The following GUCY1A2 variants were observed in gnomAD, a reference collection of about 807,000 sequenced individuals.
GUCY1A2 encodes the protein guanylate cyclase 1 soluble subunit alpha 2.
GUCY1A2 carries 27 observed loss-of-function variants against 63.5 expected under a neutral mutation model. That is an observed-to-expected ratio of 0.43 (90% CI 0.31 to 0.59). The LOEUF (loss-of-function observed/expected upper bound fraction) is 0.59, where lower values mean the gene tolerates loss of function less well. GUCY1A2 is among the 20% of genes least tolerant of loss of function. GUCY1A2 has a pLI of 0.11. For synonymous variants in GUCY1A2, 364 were observed against 343.5 expected, an observed-to-expected ratio of 1.06 and a Z score of -0.66; for missense variants, 768 against 913.3, an observed-to-expected ratio of 0.84 and a Z score of 2.05.
intron 4 of GUCY1A2, among the ~76,000 whole-genome samples, chr11:106,816,736 AC>A (rs1190233856): frequency 6.6e-6 from 1 of 151,990 alleles, no homozygotes; most frequent in African/African-American, 2.4e-5. Flanking sequence ...AGCTAAGTAA[AC>A]AAAAATCAAC....
intron 6 of GUCY1A2, among the ~76,000 whole-genome samples, chr11:106,710,422 A>G (rs940216694): frequency 2.1e-5 from 3 of 140,836 alleles, no homozygotes; most frequent in Non-Finnish European, 4.5e-5. Context: ...TATATAGTAT[A>G]TATATTTCTT....
At chr11:106,997,626 CCCCA>C (rs1213691427) in intron 1 of GUCY1A2, among the ~76,000 whole-genome samples, 2 of 142,602 alleles carry the variant, frequency 1.4e-5, no homozygotes, top group African/African-American at 5.2e-5. Context: ...AACCCCCCCC[CCCCA>C]CCCGAGCAAG....
At chr11:106,855,909 ATTTAT>A (rs879466543) in intron 4 of GUCY1A2, among the ~76,000 whole-genome samples, 13,990 of 100,308 alleles carry the variant, frequency 0.14, 773 homozygotes, top group Middle Eastern at 0.22. Context: ...TTATTTATTT[ATTTAT>A]TTATTTATTT....
At chr11:106,872,210 G>A (rs1253132870) in intron 4 of GUCY1A2, among the ~76,000 whole-genome samples, 6 of 152,066 alleles carry the variant, frequency 3.9e-5, no homozygotes, top group Non-Finnish European at 7.4e-5. Flanking sequence ...TCATCTGCAC[G>A]ATTACAGGAT....
rs953266376 is a variant in GUCY1A2, at chr11:106,674,182, C to T, written c.*13367G>A. The T allele has an allele frequency of 1.6e-5, 3 of 184,408 alleles. No individual in the cohort carries two copies. Among genetic ancestry groups the T allele is most frequent in the Non-Finnish European group, 1.2e-5 (1 of 86,870 alleles). 11.4% of individuals were successfully genotyped at this position (184,408 alleles called of 1,614,324 possible). A position where few individuals can be genotyped will look rare whatever the true frequency, so the allele number is the denominator to read the frequency against. On this transcript the variant is annotated 3_prime_UTR_variant, in exon 8 of 8. Coordinates refer to ENST00000526355, the MANE Select transcript of GUCY1A2 (RefSeq NM_000855.3). ...TTGTTTTATAAGAATCCCACGTTTC[C>T]ATCACTTATTTTTCATATACAAATT...
chr11:106,978,055 AC>A (rs1434996926), intron 3 of GUCY1A2, among the ~76,000 whole-genome samples: 1 of 152,150 alleles, frequency 6.6e-6, no homozygotes, highest in African/African-American at 2.4e-5. Context: ...TTACAACAGT[AC>A]CTTTTAGCCA....
chr11:106,675,902 A>G lies in GUCY1A2; in HGVS notation c.*11647T>C, dbSNP rs780594045. 77 of 189,902 alleles carry G rather than the reference A, an allele frequency of 4.1e-4. No individual in the cohort carries two copies. The highest frequency in any genetic ancestry group is 2.2e-4 in the Non-Finnish European group (20 of 90,436). The allele number at this position is 189,902 out of a possible 1,614,324, so 11.8% of individuals were successfully genotyped here. ...TTTTAATTTTTTTCAAGTATTTTAT[A>G]CCCCTTTGACTACTTCATCTGTTAG... On this transcript the variant is annotated 3_prime_UTR_variant, in exon 8 of 8. Transcript: ENST00000526355.
chr11:106,740,693 G>C (rs1012772343), intron 6 of GUCY1A2, among the ~76,000 whole-genome samples: 5 of 91,548 alleles, frequency 5.5e-5, no homozygotes, highest in African/African-American at 2.2e-4. Flanking sequence ...TATGTATTTA[G>C]AGACAGAGTT....
chr11:106,721,904 T>TATCA (rs1351027565), intron 6 of GUCY1A2, among the ~76,000 whole-genome samples: 2 of 152,328 alleles, frequency 1.3e-5, no homozygotes, highest in South Asian at 2.1e-4. Flanking sequence ...CCATAGTACC[T>TATCA]ATCACCTTTT....
rs1392046807 is a variant in GUCY1A2, at chr11:107,018,207, G to A, written c.-152C>T. 8.5e-6 allele frequency: 2 copies of A among 236,058 alleles called. No homozygotes were observed. The highest frequency in any genetic ancestry group is 1.5e-5 in the Non-Finnish European group (2 of 129,210). The allele number at this position is 236,058 out of a possible 1,614,324, so 14.6% of individuals were successfully genotyped here. A position where few individuals can be genotyped will look rare whatever the true frequency, so the allele number is the denominator to read the frequency against. Reference sequence around the variant, plus strand: ...GCCCGGCGGGGCGGGAGTCCCCGGGGCCGCGGAGCCCCCCGAGCCGGCTGC... The same window carrying A: ...GCCCGGCGGGGCGGGAGTCCCCGGGACCGCGGAGCCCCCCGAGCCGGCTGC... On this transcript the variant is annotated 5_prime_UTR_variant, in exon 1 of 8. Coordinates refer to ENST00000526355, the MANE Select transcript of GUCY1A2 (RefSeq NM_000855.3).
At chr11:106,944,177 T>G (rs1860790284) in intron 3 of GUCY1A2, among the ~76,000 whole-genome samples, 1 of 100,940 alleles carries the variant, frequency 9.9e-6, no homozygotes, top group Non-Finnish European at 1.9e-5. Context: ...ATCATACCAC[T>G]GCACTCCAGC....
At chr11:106,833,829 A>G (rs991242644) in intron 4 of GUCY1A2, among the ~76,000 whole-genome samples, 2 of 152,076 alleles carry the variant, frequency 1.3e-5, no homozygotes, top group Non-Finnish European at 2.9e-5. Context: ...ATTACAAAGC[A>G]TATTAGAATA....
In GUCY1A2 at chr11:106,741,924, C is replaced by T. The variant is rs563446819; in HGVS notation, c.1837-33258G>A. On this transcript the variant is annotated intron_variant, in intron 6 of 7. Transcript: ENST00000526355. ...TGCATTCACTTCCACATAGTGCATA[C>T]AGCTAGACAGATAAAACTGAATGAA... Among the ~76,000 whole-genome samples, 20 of 152,314 alleles carry T rather than the reference C, an allele frequency of 1.3e-4. No individual in the cohort carries two copies. In the South Asian group the frequency reaches 2.9e-3, roughly 22 times the overall value.
intron 1 of GUCY1A2, among the ~76,000 whole-genome samples, chr11:107,010,414 T>C (rs1197052981): frequency 6.6e-6 from 1 of 152,222 alleles, no homozygotes; most frequent in East Asian, 1.9e-4. Flanking sequence ...ATCCAGACTG[T>C]AGAAGAGTCA....
Position 106,679,879 on chromosome 11 carries a change from C to A in GUCY1A2, c.*7670G>T. ...TTTGTAGCTCTGTAAGCTTCTATCC[C>A]AGCTTCACTGAGATGTGCAGCTGCC... On this transcript the variant is annotated 3_prime_UTR_variant, in exon 8 of 8. Coordinates refer to ENST00000526355, the MANE Select transcript of GUCY1A2 (RefSeq NM_000855.3). 9.2e-6 allele frequency: 2 copies of A among 217,964 alleles called. No homozygotes were observed. Among genetic ancestry groups the A allele is most frequent in the Non-Finnish European group, 1.8e-5 (2 of 108,516 alleles). The allele number at this position is 217,964 out of a possible 1,614,324, so 13.5% of individuals were successfully genotyped here.
chr11:106,926,552 A>C (rs1272413662), intron 4 of GUCY1A2, among the ~76,000 whole-genome samples: 1 of 152,134 alleles, frequency 6.6e-6, no homozygotes, highest in Non-Finnish European at 1.5e-5. Context: ...GACCCACTGA[A>C]TCATCTCTTC....
At chr11:106,792,488 AC>A (rs1176717141) in intron 5 of GUCY1A2, among the ~76,000 whole-genome samples, 2 of 152,176 alleles carry the variant, frequency 1.3e-5, no homozygotes, top group East Asian at 3.9e-4. Context: ...GTGATTCATC[AC>A]AAAAACAGAA....
intron 5 of GUCY1A2, among the ~76,000 whole-genome samples, chr11:106,777,854 A>G (rs1864386816): frequency 6.6e-6 from 1 of 152,136 alleles, no homozygotes; most frequent in African/African-American, 2.4e-5. Context: ...AGAAACAAGT[A>G]TTAGTGACAT....
rs1861854497 is a variant in GUCY1A2 at position 107,018,110 on chromosome 11, G to A, written c.-55C>T. The A allele has an allele frequency of 3.3e-6, 4 of 1,207,352 alleles. No individual in the cohort carries two copies. The Admixed American group carries it at 1.3e-4, about 38-fold the overall frequency. 74.8% of individuals were successfully genotyped at this position (1,207,352 alleles called of 1,614,324 possible). ...GGTGGCGGCGAGGACGCGAGCGGCG[G>A]CGGAGGCGGCGGTGGCGGGACCGGC... On this transcript the variant is annotated 5_prime_UTR_variant, in exon 1 of 8. Transcript: ENST00000526355.
Sources: allele counts gnomAD v4.1 joint callset (sites outside exome capture counted in the v4.1 genomes callset), GRCh38; gene constraint gnomAD v4.1.1; transcripts MANE v1.5; gene names NCBI Gene and HGNC (gene_info 2026-07-23, HGNC 2026-07-21).